CTNND2: variants seen among roughly 807,000 people sequenced by gnomAD.
The protein encoded by CTNND2 is catenin delta-2.
Under a neutral mutation model 144.4 loss-of-function variants are expected in CTNND2, and 22 were observed. The observed-to-expected ratio is 0.15, with a 90% CI of 0.11 to 0.22. The LOEUF (loss-of-function observed/expected upper bound fraction) is 0.22, where lower values mean the gene tolerates loss of function less well. Among genes scored for constraint, CTNND2 ranks in the 10% least tolerant of loss-of-function variants. The pLI is 1.00. For missense variants in CTNND2, 1,353 were observed against 1,618.8 expected (o/e 0.84, Z 2.82); for synonymous variants, 751 against 695.6 (o/e 1.08, Z -1.25).
chr5:11,642,597 C>T (rs1039033517), intron 2 of CTNND2, among the ~76,000 whole-genome samples: 5 of 152,174 alleles, frequency 3.3e-5, no homozygotes, highest in East Asian at 1.9e-4. Context: ...GGTGGGGCTG[C>T]GAGATGAGGG....
intron 3 of CTNND2, among the ~76,000 whole-genome samples, chr5:11,493,529 G>T (rs1769650903): frequency 6.6e-6 from 1 of 152,144 alleles, no homozygotes; most frequent in Admixed American, 6.5e-5. Flanking sequence ...TATAAAGAAT[G>T]GCATCTTCTT....
At chr5:11,498,826 C>T (rs971645885) in intron 3 of CTNND2, among the ~76,000 whole-genome samples, 2 of 152,056 alleles carry the variant, frequency 1.3e-5, no homozygotes, top group South Asian at 2.1e-4. Flanking sequence ...GACTCTGGGA[C>T]GACAATGAAG....
intron 1 of CTNND2, among the ~76,000 whole-genome samples, chr5:11,796,008 C>T (rs1791380036): frequency 6.6e-6 from 1 of 152,200 alleles, no homozygotes; most frequent in Non-Finnish European, 1.5e-5. Context: ...TATTCCTTGG[C>T]TCCTGGCCTC....
At chr5:11,326,239 T>C (rs1752507073) in intron 9 of CTNND2, among the ~76,000 whole-genome samples, 1 of 152,226 alleles carries the variant, frequency 6.6e-6, no homozygotes, top group Non-Finnish European at 1.5e-5. Context: ...TTACCAAGTG[T>C]ATAGATGTGT....
At chr5:11,297,063 C>G (rs1749100518) in intron 9 of CTNND2, among the ~76,000 whole-genome samples, 1 of 152,118 alleles carries the variant, frequency 6.6e-6, no homozygotes, top group Admixed American at 6.6e-5. Flanking sequence ...CTTTAAAATA[C>G]ATTGTATAAT....
rs75673234 is a variant in CTNND2, at chr5:11,708,724, T to C, written c.174+23412A>G. ...TGTCAACTCAGGGCCATGAGCTCTG[T>C]TGCAGTTCCAGGCAACAGGCCACAT... On this transcript the variant is annotated intron_variant, in intron 2 of 21. Transcript: ENST00000304623. Among the ~76,000 whole-genome samples, 425 of 152,236 alleles carry C rather than the reference T, an allele frequency of 2.8e-3. 2 individuals are homozygous for C. Among genetic ancestry groups the C allele is most frequent in the African/African-American group, 9.3e-3 (385 of 41,534 alleles).
At position 11,044,611 on chromosome 5, in the gene CTNND2, G is replaced by C. The variant is rs150701813; in HGVS notation, c.2789-21632C>G. Among the ~76,000 whole-genome samples, 495 of 151,798 alleles carry C rather than the reference G, an allele frequency of 3.3e-3. 3 individuals are homozygous for C. Among genetic ancestry groups the C allele is most frequent in the South Asian group, 0.014 (66 of 4,806 alleles). On this transcript the variant is annotated intron_variant, in intron 16 of 21. Transcript: ENST00000304623. The stretch of plus-strand genomic sequence containing the variant: ...TAAGTCTGAAGATTCAGTGATGTTT[G>C]TTTGGTTTTACAAAATTCCATTAGT...
At chr5:11,675,535 C>T (rs536030324) in intron 2 of CTNND2, among the ~76,000 whole-genome samples, 2 of 152,230 alleles carry the variant, frequency 1.3e-5, no homozygotes, top group Admixed American at 6.5e-5. Flanking sequence ...ACCTGACCCC[C>T]CTCCAATTTT....
chr5:11,076,339 C>CA (rs1340648780), intron 16 of CTNND2, among the ~76,000 whole-genome samples: 1 of 152,152 alleles, frequency 6.6e-6, no homozygotes, highest in East Asian at 1.9e-4. Flanking sequence ...GTTTTGTTGG[C>CA]AGAGAGGATG....
intron 1 of CTNND2, among the ~76,000 whole-genome samples, chr5:11,883,950 A>G (rs1375433967): frequency 6.6e-6 from 1 of 152,070 alleles, no homozygotes; most frequent in Non-Finnish European, 1.5e-5. Flanking sequence ...AGCTTTTTTC[A>G]TATGTTTGTT....
chr5:11,384,734 C>G lies in CTNND2; in HGVS notation c.1108G>C (p.Glu370Gln). 6.2e-7 allele frequency: 1 copy of G among 1,612,662 alleles called. No homozygotes were observed. The highest frequency in any genetic ancestry group is 1.3e-5 in the African/African-American group (1 of 75,000). Reference protein sequence around the residue: ...SPTKRLVHASEQYSKHSQELY... With the variant: ...SPTKRLVHASQQYSKHSQELY... ...TCCTGCGAGTGCTTGCTGTACTGCT[C>G]GGACGCGTGGACCAGGCGCTTGGTG... Residue 370 changes from glutamate (E) to glutamine (Q), a missense_variant, in exon 7 of 22, where the codon GAG becomes CAG. Glu to Gln is a conservative substitution (Grantham distance 29, BLOSUM62 2). Transcript: ENST00000304623. The surrounding 1 kb of genome is among the most constrained non-coding windows in gnomAD (Gnocchi z 5.2).
intron 13 of CTNND2, among the ~76,000 whole-genome samples, chr5:11,111,994 C>A (rs529230789): frequency 6.6e-6 from 1 of 151,922 alleles, no homozygotes; most frequent in African/African-American, 2.4e-5. Flanking sequence ...CTACAGGCAC[C>A]CGCCACTACG....
chr5:11,346,776 C>G (rs1226781749), intron 8 of CTNND2, 149 bp from the exon 9 acceptor site: 5 of 715,792 alleles, frequency 7.0e-6, no homozygotes, highest in Admixed American at 4.0e-5. Flanking sequence ...ATATTTGAAC[C>G]AATACATTCA....
chr5:11,639,497 A>G (rs1781884321), intron 2 of CTNND2, among the ~76,000 whole-genome samples: 1 of 152,202 alleles, frequency 6.6e-6, no homozygotes, highest in Admixed American at 6.5e-5. Flanking sequence ...TATAGCACAC[A>G]AGAATACCCT....
In CTNND2 at chr5:11,667,735, A is replaced by G. The variant is rs1251812479; in HGVS notation, c.174+64401T>C. 7.9e-5 allele frequency among the ~76,000 whole-genome samples: 12 copies of G among 152,224 alleles called. No individual in the cohort carries two copies. The East Asian group carries it at 2.3e-3, about 29-fold the overall frequency. On this transcript the variant is annotated intron_variant, in intron 2 of 21. Transcript: ENST00000304623. ...TAGATTGTCTGTTCACTCTGTTGAT[A>G]GTTTATTTTGCTGTGTGGAGGCTCT...
At chr5:11,418,627 G>C (rs1581152660) in intron 3 of CTNND2, among the ~76,000 whole-genome samples, 1 of 152,152 alleles carries the variant, frequency 6.6e-6, no homozygotes, top group Admixed American at 6.5e-5. Flanking sequence ...AAGAAGGGAC[G>C]AGATGATGAC....
chr5:11,041,886 G>C (rs2149568681), intron 16 of CTNND2, among the ~76,000 whole-genome samples: 1 of 152,312 alleles, frequency 6.6e-6, no homozygotes, highest in East Asian at 1.9e-4. Flanking sequence ...TACTGTACTT[G>C]ATACTCATCT....
At chr5:11,708,361 G>A (rs1785834455) in intron 2 of CTNND2, among the ~76,000 whole-genome samples, 1 of 151,956 alleles carries the variant, frequency 6.6e-6, no homozygotes, top group Admixed American at 6.6e-5. Flanking sequence ...ATTACCAAAG[G>A]GGGCCAAGAA....
chr5:11,120,796 G>A (rs536629338), intron 12 of CTNND2, among the ~76,000 whole-genome samples: 1 of 152,286 alleles, frequency 6.6e-6, no homozygotes, highest in African/African-American at 2.4e-5. Context: ...CTGTCCGCAG[G>A]CATGATGAGG....
Sources: gnomAD v4.1 joint callset for allele counts (sites outside exome capture counted in the v4.1 genomes callset) on GRCh38, gnomAD v4.1.1 for gene constraint, Gnocchi (gnomAD v3.1) non-coding constraint, MANE v1.5 for transcripts, NCBI Gene and HGNC (gene_info 2026-07-23, HGNC 2026-07-21) for gene names.